Variants in MGAT4C observed in about 807,000 individuals in gnomAD.
MGAT4C encodes alpha-1,3-mannosyl-glycoprotein 4-beta-N-acetylglucosaminyltransferase C.
In MGAT4C, 19 loss-of-function variants were observed where a neutral mutation model predicts 40.1. That is an observed-to-expected ratio of 0.47 (90% CI 0.33 to 0.70). The LOEUF is 0.70. Among genes scored for constraint, MGAT4C ranks in the 30% least tolerant of loss-of-function variants. MGAT4C has a pLI of 0.02. For missense variants in MGAT4C, 491 were observed against 563.2 expected (o/e 0.87, Z 1.30); for synonymous variants, 181 against 187.1 (o/e 0.97, Z 0.27).
chr12:86,485,475 T>C (rs1167666343), intron 2 of MGAT4C, among the ~76,000 whole-genome samples: 1 of 145,268 alleles, frequency 6.9e-6, no homozygotes, highest in African/African-American at 2.5e-5. Flanking sequence ...GACCAAAAAT[T>C]AGGAATGTCA....
In MGAT4C at chr12:85,984,380, G is replaced by A. The variant is rs549900902; in HGVS notation, c.148-710C>T. ...TATTTCTTATGATAGTTAAGTTTGT[G>A]TGTGTGTGTGTGTGTGATTCTATTG... On this transcript the variant is annotated intron_variant, in intron 3 of 4. Coordinates refer to ENST00000611864, the MANE Select transcript of MGAT4C (RefSeq NM_001351288.2). 2.2e-4 allele frequency among the ~76,000 whole-genome samples: 33 copies of A among 152,136 alleles called. No homozygotes were observed. In the South Asian group the frequency reaches 6.2e-3, roughly 29 times the overall value.
chr12:86,505,920 A>T (rs1958465631), intron 2 of MGAT4C, among the ~76,000 whole-genome samples: 1 of 152,166 alleles, frequency 6.6e-6, no homozygotes. Context: ...TTTAAACAGA[A>T]GAAGGCAGGA....
chr12:86,428,840 T>A (rs1329135157), intron 3 of MGAT4C, among the ~76,000 whole-genome samples: 1 of 152,110 alleles, frequency 6.6e-6, no homozygotes, highest in East Asian at 1.9e-4. Context: ...CTGATTTTAT[T>A]TGAGTTTTCT....
intron 2 of MGAT4C, among the ~76,000 whole-genome samples, chr12:86,668,045 A>T (rs1964158823): frequency 6.6e-6 from 1 of 152,232 alleles, no homozygotes; most frequent in African/African-American, 2.4e-5. Context: ...ATTTAGTGAC[A>T]AATAAAAGAG....
chr12:86,263,636 A>T (rs1427633594), intron 4 of MGAT4C, among the ~76,000 whole-genome samples: 1 of 152,204 alleles, frequency 6.6e-6, no homozygotes, highest in Non-Finnish European at 1.5e-5. Flanking sequence ...CGATGAGCCT[A>T]TCAGTGCAGA....
chr12:86,013,765 GAAAA>G, intron 2 of MGAT4C: 7 of 810,046 alleles, frequency 8.6e-6, no homozygotes, highest in African/African-American at 2.1e-5. Context: ...GAATCTTAGT[GAAAA>G]AAAAAAAAAA....
intron 3 of MGAT4C, among the ~76,000 whole-genome samples, chr12:86,401,505 T>G (rs1956362834): frequency 1.3e-5 from 2 of 152,102 alleles, no homozygotes; most frequent in South Asian, 4.1e-4. Flanking sequence ...AATAATTCAT[T>G]TTAAATTTTA....
chr12:86,194,577 C>CCCTAGT, intron 1 of MGAT4C, among the ~76,000 whole-genome samples: 1 of 151,812 alleles, frequency 6.6e-6, no homozygotes, highest in East Asian at 1.9e-4. Context: ...GTCTCAGCCT[C>CCCTAGT]CCTAGTAGCT....
chr12:85,958,923 T>C lies in MGAT4C; in HGVS notation c.*20366A>G. ...ACAAACTTTATATTTTTGCATACACTTATCTTCCTGGCATTTTTGAAATAA... is the reference window on the plus strand; with the variant it reads ...ACAAACTTTATATTTTTGCATACACCTATCTTCCTGGCATTTTTGAAATAA... On this transcript the variant is annotated 3_prime_UTR_variant, in exon 5 of 5. Transcript: ENST00000611864. 6.6e-6 allele frequency: 1 copy of C among 152,014 alleles called. No homozygotes were observed. The highest frequency in any genetic ancestry group is 1.9e-4 in the East Asian group (1 of 5,196). 9.4% of individuals were successfully genotyped at this position (152,014 alleles called of 1,614,324 possible).
At chr12:86,206,428 A>AAGAC (rs1950257342) in intron 1 of MGAT4C, among the ~76,000 whole-genome samples, 1 of 152,202 alleles carries the variant, frequency 6.6e-6, no homozygotes, top group Non-Finnish European at 1.5e-5. Context: ...TAAGTAAGCT[A>AAGAC]AGACAGGCTG....
At chr12:86,582,171 T>C (rs1186976220) in intron 2 of MGAT4C, among the ~76,000 whole-genome samples, 2 of 151,496 alleles carry the variant, frequency 1.3e-5, no homozygotes, top group Non-Finnish European at 3.0e-5. Flanking sequence ...TGATCATGTA[T>C]ATACAAAGAC....
chr12:86,666,036 C>T (rs1301763534), intron 2 of MGAT4C, among the ~76,000 whole-genome samples: 1 of 152,112 alleles, frequency 6.6e-6, no homozygotes, highest in Non-Finnish European at 1.5e-5. Context: ...AAATTGTCTT[C>T]CTTTTTCACT....
chr12:86,754,684 A>T (rs1951272899), intron 1 of MGAT4C, among the ~76,000 whole-genome samples: 1 of 152,222 alleles, frequency 6.6e-6, no homozygotes, highest in African/African-American at 2.4e-5. Flanking sequence ...AGATAGACAA[A>T]TTGACTGTAT....
intron 1 of MGAT4C, among the ~76,000 whole-genome samples, chr12:86,173,080 AAG>A (rs1355294800): frequency 1.3e-5 from 2 of 152,138 alleles, no homozygotes; most frequent in South Asian, 2.1e-4. Context: ...AACGTTCTGC[AAG>A]AGACTTCCAG....
intron 4 of MGAT4C, among the ~76,000 whole-genome samples, chr12:86,295,930 A>G (rs912835840): frequency 1.1e-4 from 17 of 148,472 alleles, no homozygotes; most frequent in African/African-American, 4.2e-4. Flanking sequence ...TCCCTGAGCT[A>G]GACATAAAGA....
intron 3 of MGAT4C, among the ~76,000 whole-genome samples, chr12:86,376,749 T>A (rs1444357976): frequency 1.3e-5 from 2 of 149,438 alleles, no homozygotes; most frequent in Non-Finnish European, 3.0e-5. Context: ...CCCCTCCCCA[T>A]GTACGTACCT....
chr12:86,028,013 C>T, intron 2 of MGAT4C: 1 of 635,398 alleles, frequency 1.6e-6, no homozygotes, highest in Non-Finnish European at 2.4e-6. Flanking sequence ...TGTATACATT[C>T]TCCAGGCTTT....
chr12:86,590,018 G>T (rs184867364), intron 2 of MGAT4C, among the ~76,000 whole-genome samples: 1 of 151,884 alleles, frequency 6.6e-6, no homozygotes, highest in African/African-American at 2.4e-5. Context: ...TTAAGTCCAG[G>T]GAACACTTCG....
chr12:86,319,291 A>G (rs907736459), intron 4 of MGAT4C, among the ~76,000 whole-genome samples: 2 of 152,172 alleles, frequency 1.3e-5, no homozygotes, highest in African/African-American at 4.8e-5. Flanking sequence ...CACATTTAGC[A>G]CGAAATATAA....
Sources: gnomAD v4.1 joint callset for allele counts (sites outside exome capture counted in the v4.1 genomes callset) on GRCh38, gnomAD v4.1.1 for gene constraint, MANE v1.5 for transcripts, NCBI Gene and HGNC (gene_info 2026-07-23, HGNC 2026-07-21) for gene names.